STPG2: variants seen among roughly 807,000 people sequenced by gnomAD.
The protein encoded by STPG2 is sperm-tail PG-rich repeat-containing protein 2.
Under a neutral mutation model 54.2 loss-of-function variants are expected in STPG2, and 56 were observed. That is an observed-to-expected ratio of 1.03 (90% CI 0.83 to 1.29). The LOEUF is 1.29. Ranked by LOEUF, STPG2 falls within the 50% of genes most tolerant of loss-of-function variation. STPG2 has a pLI of 0.00. For missense variants in STPG2, 596 were observed against 544.9 expected, an observed-to-expected ratio of 1.09 and a Z score of -0.93; for synonymous variants, 200 against 181.8, an observed-to-expected ratio of 1.10 and a Z score of -0.81.
At chr4:97,815,333 A>G (rs976071261) in intron 9 of STPG2, among the ~76,000 whole-genome samples, 5 of 152,138 alleles carry the variant, frequency 3.3e-5, no homozygotes, top group African/African-American at 1.2e-4. Context: ...AGAATTTTTC[A>G]GATTTGGGAA....
At chr4:97,901,579 T>C (rs1731179551) in intron 8 of STPG2, among the ~76,000 whole-genome samples, 1 of 151,946 alleles carries the variant, frequency 6.6e-6, no homozygotes, top group Non-Finnish European at 1.5e-5. Context: ...TCTTATTTCT[T>C]ATAGTATCAA....
chr4:97,824,031 A>T (rs1312053778), intron 9 of STPG2, among the ~76,000 whole-genome samples: 2 of 152,122 alleles, frequency 1.3e-5, no homozygotes, highest in Non-Finnish European at 2.9e-5. Flanking sequence ...TTCTCTTTGG[A>T]TTAATCTGTC....
chr4:97,990,596 T>C lies in STPG2; in HGVS notation c.613-9278A>G, dbSNP rs180985632. Among the ~76,000 whole-genome samples the C allele has an allele frequency of 2.9e-3, 434 of 152,230 alleles. 3 individuals are homozygous for C. The highest frequency in any genetic ancestry group is 9.8e-3 in the African/African-American group (409 of 41,544). ...ACTTTTTAATAAGCCCCACATATGA[T>C]TCTCAAGCACAGTAAAGAACCACAG... is the stretch of plus-strand genomic sequence containing the variant. On this transcript the variant is annotated intron_variant, in intron 5 of 10. Coordinates refer to ENST00000295268, the MANE Select transcript of STPG2 (RefSeq NM_174952.3).
At chr4:97,485,153 A>G (rs1386152168) in intron 4 of STPG2, among the ~76,000 whole-genome samples, 1 of 151,810 alleles carries the variant, frequency 6.6e-6, no homozygotes, top group Non-Finnish European at 1.5e-5. Flanking sequence ...GAACAAGAGA[A>G]GGATGTCCAC....
chr4:97,887,465 T>C (rs923649481), intron 8 of STPG2, among the ~76,000 whole-genome samples: 6 of 152,142 alleles, frequency 3.9e-5, no homozygotes, highest in African/African-American at 1.2e-4. Context: ...TAGGGATCTA[T>C]AGAAGTTTGA....
chr4:97,682,914 T>C (rs965566004), intron 10 of STPG2, among the ~76,000 whole-genome samples: 1 of 151,802 alleles, frequency 6.6e-6, no homozygotes, highest in South Asian at 2.1e-4. Flanking sequence ...TCCACAGTAG[T>C]AGGACCATGG....
intron 10 of STPG2, among the ~76,000 whole-genome samples, chr4:97,586,114 T>C (rs946795048): frequency 1.3e-5 from 2 of 151,780 alleles, no homozygotes; most frequent in African/African-American, 4.8e-5. Context: ...ATAAAAAATA[T>C]AAAATTTCAG....
At chr4:97,564,119 G>A (rs1039482372) in intron 10 of STPG2, among the ~76,000 whole-genome samples, 1 of 151,388 alleles carries the variant, frequency 6.6e-6, no homozygotes, top group Non-Finnish European at 1.5e-5. Context: ...AGGTGCTCCT[G>A]TATTGGGTGC....
intron 9 of STPG2, among the ~76,000 whole-genome samples, chr4:97,760,994 C>T (rs908035398): frequency 6.6e-6 from 1 of 152,130 alleles, no homozygotes; most frequent in Non-Finnish European, 1.5e-5. Flanking sequence ...TCTCACAATG[C>T]ATCACTCTGG....
intron 8 of STPG2, among the ~76,000 whole-genome samples, chr4:97,850,361 CAAAAAAA>C (rs1045252558): frequency 3.2e-4 from 47 of 148,254 alleles, no homozygotes; most frequent in Non-Finnish European, 5.5e-4. Context: ...AGACAAAGAG[CAAAAAAA>C]GAAAAAAGAA....
rs140903790 is a variant in STPG2 at position 97,902,003 on chromosome 4, A to G, written c.1044+41894T>C. 1.8e-3 allele frequency among the ~76,000 whole-genome samples: 277 copies of G among 152,164 alleles called. 2 individuals are homozygous for G. Among genetic ancestry groups the G allele is most frequent in the East Asian group, 0.014 (71 of 5,186 alleles). On this transcript the variant is annotated intron_variant, in intron 8 of 10. Coordinates refer to ENST00000295268, the MANE Select transcript of STPG2 (RefSeq NM_174952.3). ...ATAGAAAGCCTGGAAATAAACCCACACATATACTATCAACAAATCTTTGGC... is the reference window on the plus strand; with the variant it reads ...ATAGAAAGCCTGGAAATAAACCCACGCATATACTATCAACAAATCTTTGGC...
intron 5 of STPG2, among the ~76,000 whole-genome samples, chr4:98,091,183 C>T (rs1331815050): frequency 1.3e-5 from 2 of 152,006 alleles, no homozygotes; most frequent in Non-Finnish European, 2.9e-5. Flanking sequence ...TTATCAGTCT[C>T]ATTTAACTAT....
chr4:97,959,550 G>T (rs1006929993), intron 7 of STPG2, among the ~76,000 whole-genome samples: 2 of 151,952 alleles, frequency 1.3e-5, no homozygotes, highest in African/African-American at 2.4e-5. Flanking sequence ...AAATACAAAA[G>T]ATCATTCAAG....
intron 9 of STPG2, among the ~76,000 whole-genome samples, chr4:97,835,541 G>C (rs978049643): frequency 1.3e-5 from 2 of 152,062 alleles, no homozygotes; most frequent in Non-Finnish European, 2.9e-5. Flanking sequence ...AGCTCTGATG[G>C]AGATGCACAA....
rs921448144 is a variant in STPG2, at chr4:97,652,516, T to C, written c.1320+60183A>G. Among the ~76,000 whole-genome samples, 101 of 152,028 alleles carry C rather than the reference T, an allele frequency of 6.6e-4. 1 individual carries two copies. Among genetic ancestry groups the C allele is most frequent in the Non-Finnish European group, 1.1e-3 (76 of 67,828 alleles). On this transcript the variant is annotated intron_variant, in intron 10 of 10. Transcript: ENST00000295268. ...CATAGATTAATTAGATTATGATGTATGATATTTTATAAAACATGATTTTAA... is the reference window on the plus strand; with the variant it reads ...CATAGATTAATTAGATTATGATGTACGATATTTTATAAAACATGATTTTAA...
intron 8 of STPG2, among the ~76,000 whole-genome samples, chr4:97,907,447 G>T (rs1731479347): frequency 6.6e-6 from 1 of 152,128 alleles, no homozygotes; most frequent in African/African-American, 2.4e-5. Context: ...ACTGCCCAAG[G>T]TAATTTACAG....
intron 8 of STPG2, among the ~76,000 whole-genome samples, chr4:97,933,440 A>C (rs1264351941): frequency 1.3e-5 from 2 of 152,066 alleles, no homozygotes; most frequent in African/African-American, 4.8e-5. Context: ...TCTTTGCCCA[A>C]GCCTATGTCC....
intron 5 of STPG2, among the ~76,000 whole-genome samples, chr4:98,027,485 A>T (rs1736461938): frequency 1.3e-5 from 2 of 152,226 alleles, no homozygotes; most frequent in South Asian, 4.1e-4. Flanking sequence ...TAAAAATCAG[A>T]TATGGATGAA....
At chr4:98,072,057 G>T (rs1738020750) in intron 5 of STPG2, among the ~76,000 whole-genome samples, 1 of 152,072 alleles carries the variant, frequency 6.6e-6, no homozygotes, top group African/African-American at 2.4e-5. Context: ...CCCATTACTG[G>T]GTACATACCC....
Sources: gnomAD v4.1 joint callset for allele counts (sites outside exome capture counted in the v4.1 genomes callset) on GRCh38, gnomAD v4.1.1 for gene constraint, MANE v1.5 for transcripts, NCBI Gene and HGNC (gene_info 2026-07-23, HGNC 2026-07-21) for gene names.